Variants in CELF2 observed in about 807,000 individuals in gnomAD.
The protein encoded by CELF2 is CUGBP Elav-like family member 2, also known as CUG triplet repeat RNA-binding protein 2.
Under a neutral mutation model 62.6 loss-of-function variants are expected in CELF2, and 8 were observed. That is an observed-to-expected ratio of 0.13 (90% confidence interval 0.07 to 0.23). CELF2 has a LOEUF of 0.23. CELF2 is among the 10% of genes least tolerant of loss of function. The pLI is 1.00. For synonymous variants in CELF2, 258 were observed against 250.0 expected (o/e 1.03, Z -0.30); for missense variants, 333 against 671.0 (o/e 0.50, Z 5.56).
chr10:10,470,165 C>A, the CELF2 span, among the ~76,000 whole-genome samples: 3,072 of 151,956 alleles, frequency 0.02, 41 homozygotes, highest in South Asian at 0.036. Context: ...AAGGGATACT[C>A]AACCTTCATG....
chr10:10,768,153 A>G, the CELF2 span, among the ~76,000 whole-genome samples: 9 of 149,890 alleles, frequency 6.0e-5, no homozygotes, highest in South Asian at 2.1e-4. Flanking sequence ...GCAACAGAGC[A>G]AGACTCCGTC....
chr10:11,308,893 C>G (rs2094418156), intron 9 of CELF2, among the ~76,000 whole-genome samples: 1 of 152,176 alleles, frequency 6.6e-6, no homozygotes, highest in Non-Finnish European at 1.5e-5. Flanking sequence ...TACTTACTTG[C>G]ATGTACTGTG....
At chr10:10,872,376 G>GA (rs916801833) in intron 1 of CELF2, among the ~76,000 whole-genome samples, 2 of 151,788 alleles carry the variant, frequency 1.3e-5, no homozygotes, top group Non-Finnish European at 2.9e-5. Context: ...TACAAAGGAA[G>GA]AAAAAAAATC....
the CELF2 span, among the ~76,000 whole-genome samples, chr10:10,584,827 T>G: frequency 1.3e-5 from 2 of 152,314 alleles, no homozygotes; most frequent in South Asian, 4.1e-4. Flanking sequence ...AAATGTGGGT[T>G]GTGAGACTAA....
chr10:10,954,479 C>T (rs1377872222), intron 2 of CELF2, among the ~76,000 whole-genome samples: 1 of 152,074 alleles, frequency 6.6e-6, no homozygotes, highest in East Asian at 1.9e-4. Flanking sequence ...AACTCCTGAC[C>T]TTGTGATCCG....
intron 3 of CELF2, among the ~76,000 whole-genome samples, chr10:11,233,839 G>T (rs181291495): frequency 5.3e-5 from 8 of 152,306 alleles, no homozygotes; most frequent in Non-Finnish European, 1.0e-4. Flanking sequence ...AAGGGTGAGG[G>T]GATTTGGGAG....
chr10:11,166,183 T>A (rs2067110105), intron 2 of CELF2, among the ~76,000 whole-genome samples: 1 of 152,214 alleles, frequency 6.6e-6, no homozygotes, highest in Non-Finnish European at 1.5e-5. Flanking sequence ...AAGGCTCCCC[T>A]GAAGAAGGGA....
the CELF2 span, among the ~76,000 whole-genome samples, chr10:10,536,934 G>C: frequency 6.6e-6 from 1 of 152,202 alleles, no homozygotes; most frequent in Non-Finnish European, 1.5e-5. Flanking sequence ...GGCTCCACTG[G>C]CTAGTGTTGC....
intron 1 of CELF2, among the ~76,000 whole-genome samples, chr10:10,918,715 A>C (rs937412529): frequency 6.6e-6 from 1 of 152,240 alleles, no homozygotes. Context: ...GAGGTCAATG[A>C]ACCGTCTGCA....
intron 1 of CELF2, chr10:11,164,952 C>A: frequency 1.9e-6 from 1 of 521,480 alleles, no homozygotes; most frequent in Non-Finnish European, 2.5e-6. Flanking sequence ...AGTCATCTGA[C>A]GGACTGCCAA....
the CELF2 span, among the ~76,000 whole-genome samples, chr10:10,554,914 A>G: frequency 2.0e-5 from 3 of 152,208 alleles, no homozygotes; most frequent in South Asian, 4.1e-4. Context: ...TACAAATAGC[A>G]TTATACATAG....
At chr10:10,798,644 C>T (rs2054316165) in exon 1 of CELF2, 1 of 397,896 alleles carries the variant, frequency 2.5e-6, no homozygotes. Flanking sequence ...CGTGTCAGCC[C>T]GGGAAGGAGG....
At chr10:10,927,464 G>A (rs887489676) in intron 2 of CELF2, among the ~76,000 whole-genome samples, 1 of 150,890 alleles carries the variant, frequency 6.6e-6, no homozygotes, top group South Asian at 2.1e-4. Context: ...GTCTCACTCT[G>A]TTGCCAAGAT....
At chr10:10,808,854 A>T (rs2055527492) in intron 1 of CELF2, among the ~76,000 whole-genome samples, 1 of 152,208 alleles carries the variant, frequency 6.6e-6, no homozygotes, top group African/African-American at 2.4e-5. Flanking sequence ...TTCAAGAAAC[A>T]TTCTTATTTT....
the CELF2 span, among the ~76,000 whole-genome samples, chr10:10,684,989 A>G: frequency 6.6e-6 from 1 of 152,218 alleles, no homozygotes; most frequent in East Asian, 1.9e-4. Flanking sequence ...AGCAAAACCA[A>G]CAAAGACAGG....
At chr10:10,640,359 C>T in the CELF2 span, among the ~76,000 whole-genome samples, 2 of 152,160 alleles carry the variant, frequency 1.3e-5, no homozygotes, top group Non-Finnish European at 2.9e-5. Context: ...GTCTGGGATC[C>T]TTCCCCCAAG....
intron 1 of CELF2, among the ~76,000 whole-genome samples, chr10:11,050,886 C>T (rs900986655): frequency 4.6e-5 from 7 of 152,220 alleles, no homozygotes; most frequent in Admixed American, 2.0e-4. Flanking sequence ...TTCACTCACT[C>T]GCCCACTGGG....
the CELF2 span, among the ~76,000 whole-genome samples, chr10:10,574,872 G>GT: frequency 2.3e-4 from 24 of 105,998 alleles, no homozygotes; most frequent in Admixed American, 1.2e-3. Flanking sequence ...ACCATGCCTG[G>GT]TTTTTTTTTT....
the CELF2 span, among the ~76,000 whole-genome samples, chr10:10,560,979 G>A: frequency 6.6e-6 from 1 of 150,946 alleles, no homozygotes; most frequent in South Asian, 2.1e-4. Context: ...GGATGCAAAG[G>A]CATAAGAATG....
Sources: gnomAD v4.1 joint callset for allele counts (sites outside exome capture counted in the v4.1 genomes callset) on GRCh38, gnomAD v4.1.1 for gene constraint, MANE v1.5 for transcripts, NCBI Gene and HGNC (gene_info 2026-07-23, HGNC 2026-07-21) for gene names.